MARCHF11: variants seen among roughly 807,000 people sequenced by gnomAD.
MARCHF11 encodes E3 ubiquitin-protein ligase MARCHF11.
In MARCHF11, 29 loss-of-function variants were observed where a neutral mutation model predicts 37.3. That is an observed-to-expected ratio of 0.78 (90% CI 0.58 to 1.06). The LOEUF (loss-of-function observed/expected upper bound fraction) is 1.06. Ranked by LOEUF, MARCHF11 falls within the 50% of genes least tolerant of loss-of-function variation. The pLI, the probability that MARCHF11 is intolerant of heterozygous loss-of-function variation, is 0.00. For synonymous variants in MARCHF11, 233 were observed against 228.0 expected (o/e 1.02, Z -0.20); for missense variants, 482 against 533.4 (o/e 0.90, Z 0.95).
chr5:16,093,125 TAAGTCCATG>T (rs1736812505), intron 2 of MARCHF11, among the ~76,000 whole-genome samples: 1 of 152,194 alleles, frequency 6.6e-6, no homozygotes, highest in Non-Finnish European at 1.5e-5. Flanking sequence ...AAGCATCCTT[TAAGTCCATG>T]AAGCGTGTTT....
chr5:16,168,330 C>T (rs2126608492), intron 2 of MARCHF11, among the ~76,000 whole-genome samples: 1 of 152,212 alleles, frequency 6.6e-6, no homozygotes, highest in Admixed American at 6.5e-5. Flanking sequence ...AAGCGTCTTT[C>T]ACCCCATAGC....
At chr5:16,116,364 C>G (rs773494338) in intron 2 of MARCHF11, among the ~76,000 whole-genome samples, 33 of 152,120 alleles carry the variant, frequency 2.2e-4, no homozygotes, top group Non-Finnish European at 4.3e-4. Flanking sequence ...ACCTCCAATC[C>G]CATGCTCTAT....
At chr5:16,095,134 C>T (rs907832682) in intron 2 of MARCHF11, among the ~76,000 whole-genome samples, 1 of 152,188 alleles carries the variant, frequency 6.6e-6, no homozygotes, top group Non-Finnish European at 1.5e-5. Context: ...GGCATACACC[C>T]TGCCTCTGCA....
At chr5:16,148,522 G>A (rs1737842202) in intron 2 of MARCHF11, among the ~76,000 whole-genome samples, 3 of 152,288 alleles carry the variant, frequency 2.0e-5, no homozygotes, top group Admixed American at 1.3e-4. Context: ...GAAGACAGAG[G>A]AAGAGGGAAT....
intron 2 of MARCHF11, among the ~76,000 whole-genome samples, chr5:16,098,220 G>A (rs1473306752): frequency 6.6e-6 from 1 of 152,074 alleles, no homozygotes. Flanking sequence ...TGTGTGGAGG[G>A]GAAATGCTAT....
chr5:16,175,075 A>G (rs568512896), intron 2 of MARCHF11, among the ~76,000 whole-genome samples: 154 of 152,306 alleles, frequency 1.0e-3, no homozygotes, highest in African/African-American at 3.4e-3. Context: ...GGCAGCCCCA[A>G]CTGAGCTTCC....
intron 2 of MARCHF11, among the ~76,000 whole-genome samples, chr5:16,149,906 A>AATCCCATGCCCTCCACCTCTATTCCC (rs1553998055): frequency 1.3e-5 from 2 of 150,606 alleles, no homozygotes; most frequent in African/African-American, 5.0e-5. Flanking sequence ...TCTCCCAAAC[A>AATCCCATGCCCTCCACCTCTATTCCC]TAATGTTAAT....
At chr5:16,153,085 A>C (rs1737915148) in intron 2 of MARCHF11, among the ~76,000 whole-genome samples, 1 of 151,976 alleles carries the variant, frequency 6.6e-6, no homozygotes, top group African/African-American at 2.4e-5. Flanking sequence ...CAGAGAGATA[A>C]AAAGTTGTCC....
At chr5:16,098,740 C>G (rs1289612316) in intron 2 of MARCHF11, among the ~76,000 whole-genome samples, 1 of 149,350 alleles carries the variant, frequency 6.7e-6, no homozygotes, top group Non-Finnish European at 1.5e-5. Flanking sequence ...AACACTCCAG[C>G]CTGAGAGGCA....
At chr5:16,172,698 T>G (rs1307438840) in intron 2 of MARCHF11, among the ~76,000 whole-genome samples, 1 of 152,244 alleles carries the variant, frequency 6.6e-6, no homozygotes. Flanking sequence ...CTCCTCCTAG[T>G]GCATCAGCTA....
At chr5:16,161,046 T>A (rs1401542592) in intron 2 of MARCHF11, among the ~76,000 whole-genome samples, 13 of 151,972 alleles carry the variant, frequency 8.6e-5, no homozygotes, top group Admixed American at 2.0e-4. Flanking sequence ...AAACTTTTTT[T>A]AAATTATACT....
At chr5:16,176,072 A>G (rs1352572525) in intron 2 of MARCHF11, among the ~76,000 whole-genome samples, 1 of 151,072 alleles carries the variant, frequency 6.6e-6, no homozygotes, top group East Asian at 1.9e-4. Context: ...TCTTTTTGCT[A>G]TAGGATTAAA....
At chr5:16,174,885 C>A (rs1738330970) in intron 2 of MARCHF11, among the ~76,000 whole-genome samples, 1 of 152,232 alleles carries the variant, frequency 6.6e-6, no homozygotes, top group Admixed American at 6.5e-5. Flanking sequence ...ATTTCCCCTT[C>A]TCTTGAATCT....
intron 2 of MARCHF11, among the ~76,000 whole-genome samples, chr5:16,171,776 C>T (rs1738270681): frequency 6.6e-6 from 1 of 152,110 alleles, no homozygotes; most frequent in African/African-American, 2.4e-5. Flanking sequence ...CAGTTTGGAG[C>T]CATGACAAGG....
At chr5:16,093,492 C>CTGT (rs1736817681) in intron 2 of MARCHF11, among the ~76,000 whole-genome samples, 2 of 152,084 alleles carry the variant, frequency 1.3e-5, no homozygotes, top group South Asian at 4.1e-4. Flanking sequence ...GATGCACTGG[C>CTGT]TGTAGTGTTT....
chr5:16,164,499 G>A (rs1298401609), intron 2 of MARCHF11, among the ~76,000 whole-genome samples: 1 of 151,912 alleles, frequency 6.6e-6, no homozygotes, highest in African/African-American at 2.4e-5. Context: ...AAAACACTTT[G>A]GCCCATATGT....
intron 2 of MARCHF11, among the ~76,000 whole-genome samples, chr5:16,111,619 T>C (rs1417205270): frequency 6.6e-6 from 1 of 152,200 alleles, no homozygotes; most frequent in Non-Finnish European, 1.5e-5. Flanking sequence ...ATTTGCAGCC[T>C]GACTACTCAA....
chr5:16,075,936 C>T (rs891604709), intron 3 of MARCHF11, among the ~76,000 whole-genome samples: 1 of 152,188 alleles, frequency 6.6e-6, no homozygotes, highest in African/African-American at 2.4e-5. Flanking sequence ...CTGTAGCTGT[C>T]TCCTCCACTG....
At chr5:16,105,083 G>A (rs532489788) in intron 2 of MARCHF11, among the ~76,000 whole-genome samples, 41 of 152,328 alleles carry the variant, frequency 2.7e-4, no homozygotes, top group African/African-American at 8.4e-4. Flanking sequence ...GCTTCTAGAC[G>A]AAGTCTGATG....
Sources: gnomAD v4.1 joint callset for allele counts (sites outside exome capture counted in the v4.1 genomes callset) on GRCh38, gnomAD v4.1.1 for gene constraint, MANE v1.5 for transcripts, NCBI Gene and HGNC (gene_info 2026-07-23, HGNC 2026-07-21) for gene names.